Variants in FOXN3 observed in about 807,000 individuals in gnomAD.
The protein encoded by FOXN3 is forkhead box N3.
Under a neutral mutation model 38.4 loss-of-function variants are expected in FOXN3, and 7 were observed. The observed-to-expected ratio is 0.18, with a 90% CI of 0.10 to 0.34. The LOEUF is 0.34. FOXN3 is among the 10% of genes least tolerant of loss of function. The pLI, the probability that FOXN3 is intolerant of heterozygous loss-of-function variation, is 1.00. For synonymous variants in FOXN3, 230 were observed against 242.2 expected (o/e 0.95, Z 0.47); for missense variants, 456 against 613.4 (o/e 0.74, Z 2.71).
At chr14:89,198,874 T>A (rs1435381607) in intron 4 of FOXN3, among the ~76,000 whole-genome samples, 1 of 152,232 alleles carries the variant, frequency 6.6e-6, no homozygotes, top group Non-Finnish European at 1.5e-5. Context: ...ATAGAACACA[T>A]CAAAAGTAAA....
chr14:89,286,827 C>T (rs1320555011), intron 3 of FOXN3, among the ~76,000 whole-genome samples: 1 of 152,068 alleles, frequency 6.6e-6, no homozygotes, highest in African/African-American at 2.4e-5. Context: ...ATACCACTCA[C>T]CGTTTGAGAA....
chr14:89,616,619 A>G (rs1438741968), intron 1 of FOXN3, among the ~76,000 whole-genome samples: 8 of 151,488 alleles, frequency 5.3e-5, no homozygotes. Context: ...TCTTGTAAAC[A>G]CAAACACCTC....
chr14:89,157,856 C>T lies in FOXN3; in HGVS notation c.*4558G>A, dbSNP rs183983188. On this transcript the variant is annotated 3_prime_UTR_variant, in exon 6 of 6. Transcript: ENST00000557258. Reference sequence around the variant, plus strand: ...GGGACCTACGACACTAAGGACTTAACTGTCAACACTGGGAAGTCACAATCA... The same window carrying T: ...GGGACCTACGACACTAAGGACTTAATTGTCAACACTGGGAAGTCACAATCA... 8.6e-4 allele frequency: 132 copies of T among 152,746 alleles called. 1 individual carries two copies. The highest frequency in any genetic ancestry group is 6.2e-3 in the East Asian group (32 of 5,190). The allele number at this position is 152,746 out of a possible 1,614,324, so 9.5% of individuals were successfully genotyped here. A position where few individuals can be genotyped will look rare whatever the true frequency, so the allele number is the denominator to read the frequency against.
At chr14:89,322,177 C>G (rs1566955885) in intron 3 of FOXN3, among the ~76,000 whole-genome samples, 1 of 152,264 alleles carries the variant, frequency 6.6e-6, no homozygotes, top group East Asian at 1.9e-4. Context: ...TCTGCTCTTA[C>G]AGGGCAACTG....
chr14:89,344,678 C>G (rs917088392), intron 3 of FOXN3, among the ~76,000 whole-genome samples: 1 of 152,086 alleles, frequency 6.6e-6, no homozygotes, highest in Non-Finnish European at 1.5e-5. Flanking sequence ...CTATAAGTAC[C>G]AAAATCACAA....
At chr14:89,402,397 G>A (rs1024623578) in intron 2 of FOXN3, among the ~76,000 whole-genome samples, 8 of 152,082 alleles carry the variant, frequency 5.3e-5, no homozygotes, top group Admixed American at 1.3e-4. Flanking sequence ...TTCCTCTGAC[G>A]CTGTTCCAAC....
At chr14:89,254,301 G>A (rs1885551133) in intron 4 of FOXN3, among the ~76,000 whole-genome samples, 1 of 152,196 alleles carries the variant, frequency 6.6e-6, no homozygotes, top group Admixed American at 6.5e-5. Context: ...CCTTCTGCAA[G>A]GCTGCTTGAA....
Position 89,236,788 on chromosome 14 carries a change from C to G in FOXN3, c.745+44162G>C, listed in dbSNP as rs893360698. On this transcript the variant is annotated intron_variant, in intron 4 of 5. Transcript: ENST00000557258. The stretch of plus-strand genomic sequence containing the variant: ...GCCTCTAGTTTTCTGGCCTGGAGGC[C>G]TCAGTTCCAAGCCTTTAAGAAGTTC... Among the ~76,000 whole-genome samples, 3 of 152,228 alleles carry G rather than the reference C, an allele frequency of 2.0e-5. No homozygotes were observed. The South Asian group carries it at 6.2e-4, about 31-fold the overall frequency.
intron 4 of FOXN3, among the ~76,000 whole-genome samples, chr14:89,273,377 A>C (rs1305061653): frequency 1.3e-5 from 2 of 152,204 alleles, no homozygotes; most frequent in Admixed American, 1.3e-4. Context: ...GTTTCTGTTC[A>C]CAAAACTGCC....
intron 1 of FOXN3, among the ~76,000 whole-genome samples, chr14:89,530,447 A>G (rs1468169945): frequency 1.3e-5 from 2 of 152,100 alleles, no homozygotes; most frequent in African/African-American, 4.8e-5. Context: ...ACAGCACAGG[A>G]AAGACTGGCT....
intron 2 of FOXN3, among the ~76,000 whole-genome samples, chr14:89,402,265 C>CA (rs1309561380): frequency 6.6e-6 from 1 of 152,234 alleles, no homozygotes; most frequent in Non-Finnish European, 1.5e-5. Context: ...AAAAATGGGT[C>CA]AGCATCTCTG....
chr14:89,345,319 A>C (rs1888730171), intron 3 of FOXN3, among the ~76,000 whole-genome samples: 1 of 152,068 alleles, frequency 6.6e-6, no homozygotes, highest in Non-Finnish European at 1.5e-5. Flanking sequence ...CGGGATATCT[A>C]AAATTGATCA....
intron 3 of FOXN3, among the ~76,000 whole-genome samples, chr14:89,316,791 G>A (rs1222614697): frequency 3.3e-5 from 5 of 151,894 alleles, no homozygotes; most frequent in Middle Eastern, 3.4e-3. Flanking sequence ...TCAGCCTCCC[G>A]AGTAGCTAGA....
intron 3 of FOXN3, chr14:89,333,381 GC>G (rs1888313442): frequency 6.6e-6 from 1 of 151,510 alleles, no homozygotes; most frequent in Admixed American, 6.6e-5. Context: ...TCGCGCCACT[GC>G]ACTCCAGCCT....
intron 4 of FOXN3, among the ~76,000 whole-genome samples, chr14:89,236,538 C>T (rs377706765): frequency 2.6e-5 from 4 of 152,080 alleles, no homozygotes; most frequent in African/African-American, 9.7e-5. Context: ...GAAAGTAGCA[C>T]GCAGCCAGCA....
At chr14:89,403,784 G>A (rs1461796291) in intron 2 of FOXN3, among the ~76,000 whole-genome samples, 1 of 152,226 alleles carries the variant, frequency 6.6e-6, no homozygotes, top group Non-Finnish European at 1.5e-5. Flanking sequence ...CTCGGGCCCA[G>A]AAGCTTTCCC....
At chr14:89,558,527 T>C (rs1895173351) in intron 1 of FOXN3, among the ~76,000 whole-genome samples, 1 of 152,112 alleles carries the variant, frequency 6.6e-6, no homozygotes, top group Non-Finnish European at 1.5e-5. Flanking sequence ...GACAGCAGTT[T>C]AAGGCTCAAA....
At position 89,370,827 on chromosome 14, in the gene FOXN3, C is replaced by T. The variant is rs147433666; in HGVS notation, c.544-20019G>A. 5.8e-3 allele frequency among the ~76,000 whole-genome samples: 876 copies of T among 152,282 alleles called. 5 individuals are homozygous for T. The highest frequency in any genetic ancestry group is 6.3e-3 in the Non-Finnish European group (430 of 68,026). On this transcript the variant is annotated intron_variant, in intron 2 of 5. Coordinates refer to ENST00000557258, the MANE Select transcript of FOXN3 (RefSeq NM_005197.4). The stretch of plus-strand genomic sequence containing the variant: ...TAGGGTCCATCTACCCCAGTGAGGA[C>T]GTAACTTCATTTCTGGTGGTTACCC...
At chr14:89,321,905 C>T (rs1439720590) in intron 3 of FOXN3, among the ~76,000 whole-genome samples, 1 of 152,144 alleles carries the variant, frequency 6.6e-6, no homozygotes, top group African/African-American at 2.4e-5. Context: ...ACTCCAGACC[C>T]TCAACTGGAT....
Sources: allele counts gnomAD v4.1 joint callset (sites outside exome capture counted in the v4.1 genomes callset), GRCh38; gene constraint gnomAD v4.1.1; transcripts MANE v1.5; gene names NCBI Gene and HGNC (gene_info 2026-07-23, HGNC 2026-07-21).